CNTN4: variants seen among roughly 807,000 people sequenced by gnomAD.
The protein encoded by CNTN4 is contactin-4.
A neutral mutation model predicts 122.5 loss-of-function variants in CNTN4; 77 were observed. The ratio of observed to expected loss-of-function variants is 0.63; its 90% confidence interval spans 0.52 to 0.76. The LOEUF (loss-of-function observed/expected upper bound fraction) is 0.76. Ranked by LOEUF, CNTN4 falls within the 30% of genes least tolerant of loss-of-function variation. The pLI, the probability that CNTN4 is intolerant of heterozygous loss-of-function variation, is 0.00. For synonymous variants in CNTN4, 512 were observed against 447.0 expected, an observed-to-expected ratio of 1.15 and a Z score of -1.83; for missense variants, 1,256 against 1,259.1, an observed-to-expected ratio of 1.00 and a Z score of 0.04.
intron 2 of CNTN4, among the ~76,000 whole-genome samples, chr3:2,174,918 G>C (rs1372898422): frequency 6.6e-6 from 1 of 152,058 alleles, no homozygotes; most frequent in African/African-American, 2.4e-5. Flanking sequence ...TTATTGTAAG[G>C]ACAGCACGAA....
intron 2 of CNTN4, among the ~76,000 whole-genome samples, chr3:2,303,965 A>G (rs990878987): frequency 1.3e-5 from 2 of 152,112 alleles, no homozygotes; most frequent in African/African-American, 2.4e-5. Context: ...TGGATTTTTC[A>G]TTTTCAATAG....
intron 2 of CNTN4, among the ~76,000 whole-genome samples, chr3:2,229,261 T>A (rs899681427): frequency 1.3e-5 from 2 of 152,168 alleles, no homozygotes; most frequent in African/African-American, 4.8e-5. Context: ...GATGTGGTGA[T>A]AATGGGTTTT....
chr3:2,257,514 GA>G (rs1238566422), intron 2 of CNTN4, among the ~76,000 whole-genome samples: 1 of 152,112 alleles, frequency 6.6e-6, no homozygotes, highest in Non-Finnish European at 1.5e-5. Context: ...CACAGTATAA[GA>G]GAAAATTTTT....
At chr3:2,552,912 A>G (rs78039880) in intron 3 of CNTN4, among the ~76,000 whole-genome samples, 18 of 152,124 alleles carry the variant, frequency 1.2e-4, no homozygotes, top group Non-Finnish European at 2.1e-4. Flanking sequence ...AAGTGTGTTG[A>G]GTAGGCACCC....
chr3:2,755,973 T>C (rs1576672696), intron 6 of CNTN4, among the ~76,000 whole-genome samples: 1 of 152,238 alleles, frequency 6.6e-6, no homozygotes, highest in Admixed American at 6.5e-5. Flanking sequence ...CTGATCATTT[T>C]TAAGTTTAAT....
At chr3:2,712,028 A>C (rs892378109) in intron 4 of CNTN4, among the ~76,000 whole-genome samples, 2 of 152,170 alleles carry the variant, frequency 1.3e-5, no homozygotes, top group African/African-American at 4.8e-5. Context: ...GGGTTCATCT[A>C]CTCTGGCTGC....
At chr3:2,289,113 T>A (rs2042043544) in intron 2 of CNTN4, among the ~76,000 whole-genome samples, 1 of 152,192 alleles carries the variant, frequency 6.6e-6, no homozygotes, top group African/African-American at 2.4e-5. Flanking sequence ...AGGCTATACA[T>A]TTATAGTTTT....
intron 2 of CNTN4, among the ~76,000 whole-genome samples, chr3:2,332,925 A>G (rs931226309): frequency 6.6e-6 from 1 of 152,136 alleles, no homozygotes; most frequent in East Asian, 1.9e-4. Flanking sequence ...TATCCTCGAG[A>G]GCAGTGTCAA....
chr3:2,739,745 A>G (rs1217286982), intron 5 of CNTN4, among the ~76,000 whole-genome samples: 1 of 152,244 alleles, frequency 6.6e-6, no homozygotes, highest in Non-Finnish European at 1.5e-5. Flanking sequence ...TCATAAGAAA[A>G]TGAAAACCCA....
intron 18 of CNTN4, 108 bp downstream of exon 18, chr3:3,037,436 T>C: frequency 1.4e-6 from 2 of 1,431,204 alleles, no homozygotes; most frequent in South Asian, 2.3e-5. Context: ...CTGTGTTAGC[T>C]CACCCTTCCC....
intron 4 of CNTN4, among the ~76,000 whole-genome samples, chr3:2,659,906 A>C (rs1283387364): frequency 6.6e-6 from 1 of 152,238 alleles, no homozygotes; most frequent in Non-Finnish European, 1.5e-5. Context: ...AGATACATCG[A>C]ACTGGAAACC....
At chr3:2,361,389 T>G in intron 3 of CNTN4, among the ~76,000 whole-genome samples, 1 of 152,152 alleles carries the variant, frequency 6.6e-6, no homozygotes, top group African/African-American at 2.4e-5. Context: ...AGGTGCTATT[T>G]TGTAACCAGT....
At chr3:2,870,217 A>G (rs1281929058) in intron 8 of CNTN4, among the ~76,000 whole-genome samples, 1 of 152,180 alleles carries the variant, frequency 6.6e-6, no homozygotes, top group Non-Finnish European at 1.5e-5. Flanking sequence ...TTTTAGATTT[A>G]TCTTGATTTG....
intron 2 of CNTN4, among the ~76,000 whole-genome samples, chr3:2,305,738 A>G (rs1014117206): frequency 1.3e-5 from 2 of 152,170 alleles, no homozygotes; most frequent in Non-Finnish European, 1.5e-5. Flanking sequence ...ATTAAATTCC[A>G]TAATATTTTC....
intron 4 of CNTN4, among the ~76,000 whole-genome samples, chr3:2,684,319 A>T (rs1417205708): frequency 6.6e-6 from 1 of 152,160 alleles, no homozygotes; most frequent in Non-Finnish European, 1.5e-5. Flanking sequence ...AGCCTAACTG[A>T]AGCATTGCAG....
Position 2,718,360 on chromosome 3 carries a change from T to C in CNTN4, c.56-17855T>C, listed in dbSNP as rs1023751291. On this transcript the variant is annotated intron_variant, in intron 4 of 24. Coordinates refer to ENST00000418658, the MANE Select transcript of CNTN4 (RefSeq NM_175607.3). ...AATATTTATAAATATCTCTATTATGTGCTGGATATTTTGCCCAGAGTAGAA... is the reference window on the plus strand; with the variant it reads ...AATATTTATAAATATCTCTATTATGCGCTGGATATTTTGCCCAGAGTAGAA... 5.3e-5 allele frequency among the ~76,000 whole-genome samples: 8 copies of C among 152,320 alleles called. No homozygotes were observed. In the South Asian group the frequency reaches 1.5e-3, roughly 28 times the overall value.
chr3:2,584,033 G>C (rs540433963), intron 4 of CNTN4, among the ~76,000 whole-genome samples: 3 of 152,148 alleles, frequency 2.0e-5, no homozygotes, highest in Non-Finnish European at 4.4e-5. Context: ...TGTAATTATA[G>C]TTGCTCAGTG....
At chr3:2,568,337 A>AAAC (rs2079272313) in intron 3 of CNTN4, among the ~76,000 whole-genome samples, 1 of 151,358 alleles carries the variant, frequency 6.6e-6, no homozygotes, top group South Asian at 2.1e-4. Context: ...AAAAAAAAAA[A>AAAC]AAACCACCCT....
At chr3:2,864,282 T>TTTG (rs923118214) in intron 7 of CNTN4, among the ~76,000 whole-genome samples, 18 of 152,096 alleles carry the variant, frequency 1.2e-4, no homozygotes, top group African/African-American at 4.1e-4. Context: ...TTAGTCTTAC[T>TTTG]TTGTTGTTGT....
Sources: gnomAD v4.1 joint callset for allele counts (sites outside exome capture counted in the v4.1 genomes callset) on GRCh38, gnomAD v4.1.1 for gene constraint, MANE v1.5 for transcripts, NCBI Gene and HGNC (gene_info 2026-07-23, HGNC 2026-07-21) for gene names.